GMPS: variants seen among roughly 807,000 people sequenced by gnomAD.
GMPS encodes guanosine monophosphate synthase.
A neutral mutation model predicts 77.9 loss-of-function variants in GMPS; 15 were observed. That is an observed-to-expected ratio of 0.19 (90% confidence interval 0.13 to 0.30). GMPS has a LOEUF of 0.30. Among genes scored for constraint, GMPS ranks in the 10% least tolerant of loss-of-function variants. GMPS has a pLI of 1.00. For missense variants in GMPS, 590 were observed against 838.8 expected (o/e 0.70, Z 3.66); for synonymous variants, 224 against 275.9 (o/e 0.81, Z 1.86).
At chr3:155,915,627 C>T (rs754881906) in intron 8 of GMPS, among the ~76,000 whole-genome samples, 4 of 152,092 alleles carry the variant, frequency 2.6e-5, no homozygotes, top group Non-Finnish European at 5.9e-5. Flanking sequence ...GTCTCAAACT[C>T]CTGACCTTGT....
intron 3 of GMPS, among the ~76,000 whole-genome samples, chr3:155,903,437 G>A (rs1332603381): frequency 1.3e-5 from 2 of 152,184 alleles, no homozygotes; most frequent in Non-Finnish European, 2.9e-5. Context: ...AAATAGCTTG[G>A]AAAAATGTAT....
chr3:155,919,351 A>C lies in GMPS; in HGVS notation c.1318+13A>C, dbSNP rs1334971693. 1 of 1,372,936 alleles carries C rather than the reference A, an allele frequency of 7.3e-7. No individual in the cohort carries two copies. The highest frequency in any genetic ancestry group is 1.0e-6 in the Non-Finnish European group (1 of 976,410). 85.0% of individuals were successfully genotyped at this position (1,372,936 alleles called of 1,614,324 possible). ...CATCCATTTCCAGGTAAAAATTAGAACTGAATTTTGTTTGATTCATCTTTA... is the reference window on the plus strand; with the variant it reads ...CATCCATTTCCAGGTAAAAATTAGACCTGAATTTTGTTTGATTCATCTTTA... On this transcript the variant is annotated intron_variant, in intron 10 of 15. Transcript: ENST00000496455.
Position 155,922,235 on chromosome 3 carries a change from G to C in GMPS, c.1367G>C (p.Cys456Ser). The change falls in exon 11 of 16, where the codon TGT becomes TCT. Residue 456 changes from cysteine to serine, a missense_variant. By Grantham distance (112) the Cys-to-Ser change is moderately radical (BLOSUM62 -1). This residue lies in a region of GMPS where 64 missense variants were observed against 114.5 expected (regional missense o/e 0.56). Transcript: ENST00000496455. ...RVICAEEPYI[C>S]KDFPETNNIL... ...ATATGTGCTGAAGAACCTTATATTT[G>C]TAAGGACTTTCCTGAAACCAACAAT... 1 of 1,570,652 alleles carries C rather than the reference G, an allele frequency of 6.4e-7. No homozygotes were observed. The highest frequency in any genetic ancestry group is 8.6e-7 in the Non-Finnish European group (1 of 1,158,502).
intron 1 of GMPS, among the ~76,000 whole-genome samples, chr3:155,879,954 T>G (rs1754172944): frequency 1.9e-4 from 2 of 10,730 alleles, no homozygotes; most frequent in African/African-American, 3.4e-4. Context: ...TTTTAAGAGT[T>G]TTTTTTTTTT....
intron 1 of GMPS, among the ~76,000 whole-genome samples, chr3:155,874,325 G>A (rs955163511): frequency 2.6e-5 from 4 of 152,150 alleles, no homozygotes; most frequent in African/African-American, 9.7e-5. Flanking sequence ...ATACTTGGAT[G>A]AAAGATGTTT....
intron 1 of GMPS, among the ~76,000 whole-genome samples, chr3:155,878,064 G>A (rs1451672323): frequency 1.3e-5 from 2 of 152,060 alleles, no homozygotes; most frequent in African/African-American, 4.8e-5. Flanking sequence ...ATGAGCCACC[G>A]TGCCCAGCCC....
Position 155,937,750 on chromosome 3 carries a change from C to T in GMPS, c.*58C>T. On this transcript the variant is annotated 3_prime_UTR_variant, in exon 16 of 16. Coordinates refer to ENST00000496455, the MANE Select transcript of GMPS (RefSeq NM_003875.3). ...AGTTTAAATTGATTAGAAATCATTCCCATTATTGACATGCAGTACTGTGAA... is the reference window on the plus strand; with the variant it reads ...AGTTTAAATTGATTAGAAATCATTCTCATTATTGACATGCAGTACTGTGAA... The T allele has an allele frequency of 1.2e-6, 1 of 807,228 alleles. No individual in the cohort carries two copies. Among genetic ancestry groups the T allele is most frequent in the Non-Finnish European group, 2.2e-6 (1 of 460,296 alleles). The allele number at this position is 807,228 out of a possible 1,614,324, so 50.0% of individuals were successfully genotyped here.
chr3:155,915,917 C>A, intron 8 of GMPS, 102 bp from the exon 9 acceptor site: 1 of 693,436 alleles, frequency 1.4e-6, no homozygotes, highest in Non-Finnish European at 2.4e-6. Flanking sequence ...ATTTTCTGAT[C>A]AGTATTTCTA....
At chr3:155,911,312 T>C in intron 7 of GMPS, 33 bp downstream of exon 7, 1 of 1,404,160 alleles carries the variant, frequency 7.1e-7, no homozygotes, top group Non-Finnish European at 9.8e-7. Flanking sequence ...TTAACTTACA[T>C]GTTAGGACTT....
chr3:155,940,400 TC>T lies in GMPS; in HGVS notation c.*2711del, dbSNP rs1755860373. 2 of 203,956 alleles carry T rather than the reference TC, an allele frequency of 9.8e-6. No homozygotes were observed. The allele number at this position is 203,956 out of a possible 1,614,324, so 12.6% of individuals were successfully genotyped here. ...ACACTGTTTTCTAACCTTTTTTAAA[TC>T]CCTTAATCTTGAGGTAAACTGCATG... is the stretch of plus-strand genomic sequence containing the variant. On this transcript the variant is annotated 3_prime_UTR_variant, in exon 16 of 16. Transcript: ENST00000496455.
rs563908687 is a variant in GMPS, at chr3:155,892,389, C to A, written c.28-1129C>A. On this transcript the variant is annotated intron_variant, in intron 1 of 15. Coordinates refer to ENST00000496455, the MANE Select transcript of GMPS (RefSeq NM_003875.3). The stretch of plus-strand genomic sequence containing the variant: ...CAAACAAAAAAGCAAACAAAAAAAA[C>A]CCCCAGGATAGAAACCAGACGAGTA... Among the ~76,000 whole-genome samples, 64 of 152,024 alleles carry A rather than the reference C, an allele frequency of 4.2e-4. 1 individual carries two copies. The highest frequency in any genetic ancestry group is 4.8e-4 in the African/African-American group (20 of 41,474).
chr3:155,870,880 T>C lies in GMPS; in HGVS notation c.10T>C (p.Cys4Arg). 1 of 1,507,556 alleles carries C rather than the reference T, an allele frequency of 6.6e-7. No homozygotes were observed. Among genetic ancestry groups the C allele is most frequent in the African/African-American group, 1.4e-5 (1 of 69,406 alleles). The allele number at this position is 1,507,556 out of a possible 1,614,324, so 93.4% of individuals were successfully genotyped here. The change falls in exon 1 of 16, where the codon TGC becomes CGC. Residue 4 changes from cysteine to arginine, a missense_variant. Cys to Arg is a radical substitution (Grantham distance 180). Coordinates refer to ENST00000496455, the MANE Select transcript of GMPS (RefSeq NM_003875.3). MAL[C>R]NGDSKLENAG... The stretch of plus-strand genomic sequence containing the variant: ...TCCGGCCCTGGCCCCGATGGCTCTG[T>C]GCAACGGAGACTCCAAGGTCAGCGT...
intron 10 of GMPS, 105 bp from the exon 11 acceptor site, chr3:155,922,082 T>C (rs1755331243): frequency 1.8e-6 from 1 of 556,104 alleles, no homozygotes; most frequent in Admixed American, 3.9e-5. Context: ...TGGATTTTAA[T>C]TTTGGAAAGG....
In GMPS at chr3:155,940,715, A is replaced by C. The variant is rs1002348224; in HGVS notation, c.*3023A>C. ...TGTAAACAAGAGAAAGTAAAGCAGG[A>C]GACAGAATGGAGAAGCTGGATAGTG... On this transcript the variant is annotated 3_prime_UTR_variant, in exon 16 of 16. Transcript: ENST00000496455. 1 of 219,090 alleles carries C rather than the reference A, an allele frequency of 4.6e-6. No homozygotes were observed. Among genetic ancestry groups the C allele is most frequent in the Admixed American group, 5.8e-5 (1 of 17,190 alleles). 13.6% of individuals were successfully genotyped at this position (219,090 alleles called of 1,614,324 possible). A position where few individuals can be genotyped will look rare whatever the true frequency, so the allele number is the denominator to read the frequency against.
intron 15 of GMPS, among the ~76,000 whole-genome samples, chr3:155,936,721 C>G (rs1323259397): frequency 6.6e-6 from 1 of 151,984 alleles, no homozygotes; most frequent in Non-Finnish European, 1.5e-5. Flanking sequence ...TGTGTGATTA[C>G]TGTATAAAAA....
chr3:155,895,206 T>A (rs1754572750), intron 2 of GMPS, among the ~76,000 whole-genome samples: 1 of 152,370 alleles, frequency 6.6e-6, no homozygotes, highest in Admixed American at 6.5e-5. Context: ...TGCTGTGGCT[T>A]TTATTACTGT....
At chr3:155,872,931 G>C (rs999878823) in intron 1 of GMPS, among the ~76,000 whole-genome samples, 1 of 152,124 alleles carries the variant, frequency 6.6e-6, no homozygotes. Flanking sequence ...TTTAAGTAAA[G>C]AGATATTAAA....
chr3:155,893,420 A>G lies in GMPS; in HGVS notation c.28-98A>G, dbSNP rs138581873. 1.9e-3 allele frequency: 1,345 copies of G among 724,694 alleles called. 21 individuals carry two copies. The African/African-American group carries it at 0.023, about 12-fold the overall frequency. 44.9% of individuals were successfully genotyped at this position (724,694 alleles called of 1,614,324 possible). On this transcript the variant is annotated intron_variant, in intron 1 of 15. Coordinates refer to ENST00000496455, the MANE Select transcript of GMPS (RefSeq NM_003875.3). ...CAGAAAGTCCTAAGTTTTCATTCCT[A>G]TGTGTTTTTGGAGCTGACAGTGATC... is the stretch of plus-strand genomic sequence containing the variant.
chr3:155,896,855 GTT>G (rs139714963), intron 2 of GMPS, among the ~76,000 whole-genome samples: 2,372 of 150,904 alleles, frequency 0.016, 79 homozygotes, highest in African/African-American at 0.055. Flanking sequence ...TAAAAAGTGT[GTT>G]GCAGTCCAAA....
Sources: allele counts gnomAD v4.1 joint callset (sites outside exome capture counted in the v4.1 genomes callset), GRCh38; gene constraint gnomAD v4.1.1; regional missense constraint gnomAD v4.1.1; transcripts MANE v1.5; gene names NCBI Gene and HGNC (gene_info 2026-07-23, HGNC 2026-07-21).